BAZ2B: variants seen among roughly 807,000 people sequenced by gnomAD.
The protein encoded by BAZ2B is bromodomain adjacent to zinc finger domain protein 2B.
Under a neutral mutation model 246.0 loss-of-function variants are expected in BAZ2B, and 91 were observed. That is an observed-to-expected ratio of 0.37 (90% CI 0.31 to 0.44). The LOEUF is 0.44. Among genes scored for constraint, BAZ2B ranks in the 20% least tolerant of loss-of-function variants. The pLI, the probability that BAZ2B is intolerant of heterozygous loss-of-function variation, is 1.00. For synonymous variants in BAZ2B, 855 were observed against 860.0 expected (o/e 0.99, Z 0.10); for missense variants, 2,332 against 2,533.7 (o/e 0.92, Z 1.71).
At chr2:159,665,947 G>A in the BAZ2B span, among the ~76,000 whole-genome samples, 1 of 152,112 alleles carries the variant, frequency 6.6e-6, no homozygotes, top group Non-Finnish European at 1.5e-5. Flanking sequence ...GTTTTAATTT[G>A]CATTTCCCTG....
At chr2:159,479,986 G>A (rs1391899935) in intron 2 of BAZ2B, among the ~76,000 whole-genome samples, 1 of 152,098 alleles carries the variant, frequency 6.6e-6, no homozygotes, top group Non-Finnish European at 1.5e-5. Context: ...TCATGGGAAA[G>A]GCATAGTTGC....
downstream of BAZ2B, among the ~76,000 whole-genome samples, chr2:159,317,143 A>G (rs1056716480): frequency 5.3e-5 from 8 of 152,254 alleles, no homozygotes; most frequent in Admixed American, 5.2e-4. Flanking sequence ...TTGAAAGAGG[A>G]AGCTCATAAA....
At chr2:159,659,757 TTAA>T in the BAZ2B span, among the ~76,000 whole-genome samples, 1 of 152,190 alleles carries the variant, frequency 6.6e-6, no homozygotes, top group Non-Finnish European at 1.5e-5. Flanking sequence ...TTTTCAAGAA[TTAA>T]TGTTTCTCAA....
chr2:159,415,126 T>C (rs2067456498), intron 13 of BAZ2B, among the ~76,000 whole-genome samples: 1 of 152,106 alleles, frequency 6.6e-6, no homozygotes, highest in Admixed American at 6.5e-5. Flanking sequence ...ATAAGCCTCC[T>C]AGTGGAGGCA....
chr2:159,592,610 T>C (rs1435072845), intron 1 of BAZ2B, among the ~76,000 whole-genome samples: 1 of 152,220 alleles, frequency 6.6e-6, no homozygotes, highest in Non-Finnish European at 1.5e-5. Flanking sequence ...CAAGCTGCCA[T>C]GTCAGACACA....
rs140144392 is a variant in BAZ2B, at chr2:159,343,526, C to T, written c.5454+3960G>A. ...GAAAGGAGATTAATACCAGGATATA[C>T]AAGGAACTCAAACATCTCAACAGCA... On this transcript the variant is annotated intron_variant, in intron 31 of 36. Transcript: ENST00000392783. 3.2e-4 allele frequency among the ~76,000 whole-genome samples: 48 copies of T among 152,086 alleles called. No homozygotes were observed. The East Asian group carries it at 6.2e-3, about 20-fold the overall frequency.
the BAZ2B span, among the ~76,000 whole-genome samples, chr2:159,636,974 G>A: frequency 1.3e-5 from 2 of 152,146 alleles, no homozygotes; most frequent in East Asian, 3.9e-4. Context: ...TCAAGGGAAG[G>A]ACCTAGTCCT....
the BAZ2B span, among the ~76,000 whole-genome samples, chr2:159,663,320 G>T: frequency 5.9e-5 from 9 of 151,376 alleles, no homozygotes; most frequent in African/African-American, 2.2e-4. Context: ...TCCTGCCTCA[G>T]CCTCCCAAGT....
chr2:159,453,771 G>A lies in BAZ2B; in HGVS notation c.176C>T (p.Pro59Leu), dbSNP rs773155442. ...GHLFRTAGDQPFNLSTVSSAF... is the reference protein window; with the variant it reads ...GHLFRTAGDQLFNLSTVSSAF... ...ACTCGACACTGTGGACAGGTTAAAC[G>A]GTTGATCCCCAGCTGTTCTGAATAA... The change falls in exon 4 of 37, where the codon CCG (proline) becomes CTG (leucine). Residue 59 changes from proline to leucine, a missense_variant. Around this residue, in one of 9 missense-constraint regions of BAZ2B, gnomAD observed 242 missense variants for 237.4 expected, o/e 1.02. Coordinates refer to ENST00000392783, the MANE Select transcript of BAZ2B (RefSeq NM_013450.4). The A allele has an allele frequency of 1.1e-5, 18 of 1,609,848 alleles. No homozygotes were observed. Among genetic ancestry groups the A allele is most frequent in the Non-Finnish European group, 1.4e-5 (17 of 1,178,038 alleles).
intron 2 of BAZ2B, among the ~76,000 whole-genome samples, chr2:159,509,757 A>AT (rs1473457111): frequency 6.6e-6 from 1 of 152,152 alleles, no homozygotes; most frequent in Non-Finnish European, 1.5e-5. Flanking sequence ...CATATTTAAT[A>AT]TGTATTTGCA....
the BAZ2B span, among the ~76,000 whole-genome samples, chr2:159,677,838 A>C: frequency 3.3e-5 from 5 of 152,196 alleles, no homozygotes; most frequent in Non-Finnish European, 7.4e-5. Flanking sequence ...CTGGGAATTA[A>C]ACTTAAAGCT....
chr2:159,551,960 T>G (rs1213589964), intron 2 of BAZ2B, among the ~76,000 whole-genome samples: 2 of 152,100 alleles, frequency 1.3e-5, no homozygotes, highest in African/African-American at 2.4e-5. Flanking sequence ...AAAAATTGGG[T>G]CTTAGACTAA....
intron 2 of BAZ2B, chr2:159,536,220 T>C (rs778608235): frequency 6.6e-5 from 10 of 152,236 alleles, no homozygotes; most frequent in Non-Finnish European, 1.5e-4. Flanking sequence ...TATTGATTGA[T>C]TGATTTTTAT....
At chr2:159,402,427 G>A (rs1038318432) in intron 16 of BAZ2B, among the ~76,000 whole-genome samples, 3 of 151,942 alleles carry the variant, frequency 2.0e-5, no homozygotes, top group African/African-American at 7.3e-5. Flanking sequence ...TCCAGCCTGG[G>A]CAACAGAGGG....
At chr2:159,697,653 A>G in the BAZ2B span, among the ~76,000 whole-genome samples, 1 of 152,172 alleles carries the variant, frequency 6.6e-6, no homozygotes, top group Non-Finnish European at 1.5e-5. Flanking sequence ...GCTTACCAGA[A>G]GAGAATCTAT....
chr2:159,550,259 T>C (rs1157073903), intron 2 of BAZ2B, among the ~76,000 whole-genome samples: 1 of 152,206 alleles, frequency 6.6e-6, no homozygotes, highest in Non-Finnish European at 1.5e-5. Context: ...TTTATCTCTG[T>C]CATGTCAAAG....
chr2:159,546,056 A>G (rs1183694632), intron 2 of BAZ2B, among the ~76,000 whole-genome samples: 1 of 152,210 alleles, frequency 6.6e-6, no homozygotes, highest in Non-Finnish European at 1.5e-5. Context: ...ATGAATCATT[A>G]TAGTCAACAT....
intron 2 of BAZ2B, among the ~76,000 whole-genome samples, chr2:159,540,146 A>G (rs2086489147): frequency 6.6e-6 from 1 of 152,238 alleles, no homozygotes; most frequent in Non-Finnish European, 1.5e-5. Context: ...AGTAACCCCA[A>G]TATCTAGACA....
chr2:159,680,103 C>G, the BAZ2B span, among the ~76,000 whole-genome samples: 1 of 152,142 alleles, frequency 6.6e-6, no homozygotes, highest in Non-Finnish European at 1.5e-5. Context: ...TGATGTTTTA[C>G]AAGACTGAGC....
Sources: allele counts gnomAD v4.1 joint callset (sites outside exome capture counted in the v4.1 genomes callset), GRCh38; gene constraint gnomAD v4.1.1; regional missense constraint gnomAD v4.1.1; transcripts MANE v1.5; gene names NCBI Gene and HGNC (gene_info 2026-07-23, HGNC 2026-07-21).